DENND2B: variants seen among roughly 807,000 people sequenced by gnomAD.
DENND2B encodes the protein DENN domain containing 2B.
In DENND2B, 32 loss-of-function variants were observed where a neutral mutation model predicts 116.0. That is an observed-to-expected ratio of 0.28 (90% confidence interval 0.21 to 0.37). The LOEUF (loss-of-function observed/expected upper bound fraction) is 0.37. DENND2B is among the 10% of genes least tolerant of loss of function. The pLI is 1.00. For synonymous variants in DENND2B, 588 were observed against 583.9 expected, an observed-to-expected ratio of 1.01 and a Z score of -0.10; for missense variants, 1,276 against 1,477.7, an observed-to-expected ratio of 0.86 and a Z score of 2.24.
At chr11:8,806,999 T>G (rs780746706) in intron 1 of DENND2B, among the ~76,000 whole-genome samples, 1 of 151,760 alleles carries the variant, frequency 6.6e-6, no homozygotes, top group Non-Finnish European at 1.5e-5. Context: ...AACTCAATTA[T>G]CTGCCTGCAG....
rs2057359479 is a variant in DENND2B, at chr11:8,774,541, T to C, written c.-25-23816A>G. Among the ~76,000 whole-genome samples, 3 of 152,084 alleles carry C rather than the reference T, an allele frequency of 2.0e-5. No homozygotes were observed. The South Asian group carries it at 6.2e-4, about 32-fold the overall frequency. ...TCTCAAAATCGCCACAGAAGATTCT[T>C]CCCCTTCAGTAGCACCACTACCATC... On this transcript the variant is annotated intron_variant, in intron 1 of 19. Transcript: ENST00000313726.
At chr11:8,792,050 C>T (rs985118487) in intron 1 of DENND2B, among the ~76,000 whole-genome samples, 11 of 151,804 alleles carry the variant, frequency 7.2e-5, no homozygotes, top group Non-Finnish European at 1.6e-4. Context: ...TACAAAAATA[C>T]AAAAATTAGC....
At chr11:8,766,939 C>T (rs1353869763) in intron 1 of DENND2B, among the ~76,000 whole-genome samples, 1 of 147,014 alleles carries the variant, frequency 6.8e-6, no homozygotes, top group Non-Finnish European at 1.5e-5. Flanking sequence ...TGTGTAGATT[C>T]GTCTATACCA....
At chr11:8,759,279 A>G (rs193154934) in intron 1 of DENND2B, among the ~76,000 whole-genome samples, 1 of 152,346 alleles carries the variant, frequency 6.6e-6, no homozygotes, top group East Asian at 1.9e-4. Context: ...TTCTGCAGGC[A>G]TAAATGTGGA....
At chr11:8,806,188 C>T (rs956986465) in intron 1 of DENND2B, among the ~76,000 whole-genome samples, 1 of 152,182 alleles carries the variant, frequency 6.6e-6, no homozygotes, top group Non-Finnish European at 1.5e-5. Context: ...TCTTGTCTCC[C>T]GTAACCCTCA....
At chr11:8,738,767 G>T (rs552124445) in intron 2 of DENND2B, among the ~76,000 whole-genome samples, 1 of 152,252 alleles carries the variant, frequency 6.6e-6, no homozygotes, top group African/African-American at 2.4e-5. Flanking sequence ...AAATTCACTG[G>T]CATTGTTGAT....
chr11:8,707,818 A>C lies in DENND2B; in HGVS notation c.2389T>G (p.Cys797Gly). Residue 797 changes from cysteine to glycine, a missense_variant, in exon 12 of 20, where the codon TGT (cysteine) becomes GGT (glycine). Around this residue, in one of 2 missense-constraint regions of DENND2B, gnomAD observed 420 missense variants for 631.1 expected, o/e 0.67. Coordinates refer to ENST00000313726, the MANE Select transcript of DENND2B (RefSeq NM_213618.2). The surrounding 1 kb of genome is among the most constrained non-coding windows in gnomAD (Gnocchi z 4.8). ...GKGPRLPEVY[C>G]VISRLGCFGL... ...AAGCAGCCAAGGCGGCTGATGACAC[A>C]GTACACCTCTGGCAACCGGGGCCCT... 2 of 1,611,932 alleles carry C rather than the reference A, an allele frequency of 1.2e-6. No homozygotes were observed. Among genetic ancestry groups the C allele is most frequent in the Non-Finnish European group, 1.7e-6 (2 of 1,179,242 alleles).
At chr11:8,908,932 G>A (rs75441260) in intron 1 of DENND2B, among the ~76,000 whole-genome samples, 3,222 of 152,226 alleles carry the variant, frequency 0.021, 47 homozygotes, top group Middle Eastern at 0.034. Context: ...ACTGTGCTAA[G>A]CATTTTACAG....
chr11:8,851,856 G>A (rs2063020824), intron 3 of DENND2B, among the ~76,000 whole-genome samples: 1 of 152,130 alleles, frequency 6.6e-6, no homozygotes, highest in Non-Finnish European at 1.5e-5. Context: ...TTATCTCTGT[G>A]TAGTAGGATT....
intron 1 of DENND2B, among the ~76,000 whole-genome samples, chr11:8,898,866 TA>T (rs1164954636): frequency 6.6e-6 from 1 of 152,172 alleles, no homozygotes; most frequent in African/African-American, 2.4e-5. Context: ...AAGGTGCAGT[TA>T]ATGGAAACTT....
intron 1 of DENND2B, among the ~76,000 whole-genome samples, chr11:8,773,567 G>C (rs768860322): frequency 2.6e-5 from 4 of 152,172 alleles, no homozygotes; most frequent in Non-Finnish European, 4.4e-5. Context: ...TATTGAGACA[G>C]AGTCAGAAAG....
chr11:8,855,448 C>T (rs376585337), intron 3 of DENND2B, among the ~76,000 whole-genome samples: 6 of 150,628 alleles, frequency 4.0e-5, no homozygotes, highest in African/African-American at 1.5e-4. Flanking sequence ...CTAAATTTTC[C>T]CATCATCTAG....
chr11:8,851,858 A>G (rs1300499511), intron 3 of DENND2B, among the ~76,000 whole-genome samples: 2 of 152,202 alleles, frequency 1.3e-5, no homozygotes, highest in African/African-American at 2.4e-5. Context: ...ATCTCTGTGT[A>G]GTAGGATTGT....
chr11:8,832,257 C>T (rs1328079500), intron 4 of DENND2B, among the ~76,000 whole-genome samples: 1 of 152,124 alleles, frequency 6.6e-6, no homozygotes, highest in East Asian at 1.9e-4. Flanking sequence ...TCAAGACCAT[C>T]CTGGCCAACA....
At position 8,707,197 on chromosome 11, in the gene DENND2B, C is replaced by T; in HGVS notation, c.2459G>A (p.Gly820Glu). The stretch of plus-strand genomic sequence containing the variant: ...AGGATAGACCAATGCAGCGGAGATC[C>T]CACGCCGGCGCTCCACCTCATCTAG... ...KVLDEVERRR[G>E]ISAALVYPFM... Residue 820 changes from glycine to glutamate, a missense_variant, in exon 13 of 20, where the codon GGG (glycine) becomes GAG (glutamate). Gly to Glu is a moderately conservative substitution (Grantham distance 98). Around this residue, in one of 2 missense-constraint regions of DENND2B, gnomAD observed 420 missense variants for 631.1 expected, o/e 0.67. Coordinates refer to ENST00000313726, the MANE Select transcript of DENND2B (RefSeq NM_213618.2). This position sits in a 1 kb window ranked among gnomAD's most constrained non-coding sequence, Gnocchi z 4.8. 1 of 1,613,026 alleles carries T rather than the reference C, an allele frequency of 6.2e-7. No homozygotes were observed. The highest frequency in any genetic ancestry group is 8.5e-7 in the Non-Finnish European group (1 of 1,179,408).
intron 4 of DENND2B, chr11:8,718,836 C>G (rs777722998): frequency 2.0e-6 from 2 of 999,018 alleles, no homozygotes; most frequent in Non-Finnish European, 2.4e-6. Flanking sequence ...CAAGCTGTAT[C>G]TCCTGCCCCC....
intron 4 of DENND2B, among the ~76,000 whole-genome samples, chr11:8,824,578 T>C (rs1022051922): frequency 6.6e-6 from 1 of 152,232 alleles, no homozygotes; most frequent in Non-Finnish European, 1.5e-5. Flanking sequence ...TATATGTACA[T>C]TTTCTTTAAC....
chr11:8,844,788 G>A (rs878998400), intron 3 of DENND2B, among the ~76,000 whole-genome samples: 13 of 145,952 alleles, frequency 8.9e-5, no homozygotes, highest in African/African-American at 2.8e-4. Flanking sequence ...AAGCTGGAGT[G>A]CAGTGGCATA....
At chr11:8,805,386 G>A (rs1430177027) in intron 1 of DENND2B, among the ~76,000 whole-genome samples, 1 of 152,170 alleles carries the variant, frequency 6.6e-6, no homozygotes, top group Non-Finnish European at 1.5e-5. Flanking sequence ...TGTGTTCCAA[G>A]TCACAAGCAC....
Sources: allele counts gnomAD v4.1 joint callset (sites outside exome capture counted in the v4.1 genomes callset), GRCh38; gene constraint gnomAD v4.1.1; regional missense constraint gnomAD v4.1.1; non-coding constraint Gnocchi (gnomAD v3.1); transcripts MANE v1.5; gene names NCBI Gene and HGNC (gene_info 2026-07-23, HGNC 2026-07-21).